PCDHGA10: variants seen among roughly 807,000 people sequenced by gnomAD.
PCDHGA10 encodes protocadherin gamma-A10.
PCDHGA10 carries 42 observed loss-of-function variants against 59.5 expected under a neutral mutation model. The ratio of observed to expected loss-of-function variants is 0.71; its 90% CI spans 0.55 to 0.91. PCDHGA10 has a LOEUF of 0.91. Ranked by LOEUF, PCDHGA10 falls within the 40% of genes least tolerant of loss-of-function variation. PCDHGA10 has a pLI of 0.00. For missense variants in PCDHGA10, 1,111 were observed against 1,198.2 expected, an observed-to-expected ratio of 0.93 and a Z score of 1.07; for synonymous variants, 511 against 517.2, an observed-to-expected ratio of 0.99 and a Z score of 0.16.
chr5:141,423,117 G>T, intron 1 of PCDHGA10: 1 of 1,613,816 alleles, frequency 6.2e-7, no homozygotes, highest in Non-Finnish European at 8.5e-7. Flanking sequence ...TGCGTACAGC[G>T]CGGGCACTGC....
rs147057088 is a variant in PCDHGA10 at position 141,432,065 on chromosome 5, A to C, written c.2436+16454A>C. 6.2e-7 allele frequency: 1 copy of C among 1,613,930 alleles called. No individual in the cohort carries two copies. Among genetic ancestry groups the C allele is most frequent in the Non-Finnish European group, 8.5e-7 (1 of 1,180,014 alleles). On this transcript the variant is annotated intron_variant, in intron 1 of 3. Coordinates refer to ENST00000398610, the MANE Select transcript of PCDHGA10 (RefSeq NM_018913.3). This position sits in a 1 kb window ranked among gnomAD's most constrained non-coding sequence, Gnocchi z 6.0. ...GGGAACCCCGCCCCTATCCACGGAA[A>C]CTCATATCTCGCTGAACGTGGCAGA...
rs750014647 is a variant in PCDHGA10, at chr5:141,426,649, T to C, written c.2436+11038T>C. 53 of 418,716 alleles carry C rather than the reference T, an allele frequency of 1.3e-4. 1 individual carries two copies. Among genetic ancestry groups the C allele is most frequent in the South Asian group, 6.9e-4 (42 of 60,762 alleles). The allele number at this position is 418,716 out of a possible 1,614,324, so 25.9% of individuals were successfully genotyped here. On this transcript the variant is annotated intron_variant, in intron 1 of 3. Coordinates refer to ENST00000398610, the MANE Select transcript of PCDHGA10 (RefSeq NM_018913.3). Reference sequence around the variant, plus strand: ...AATGTTTTTCACATAAATGTGATGATAGAAGATATAAATGATAACCCACCT... The same window carrying C: ...AATGTTTTTCACATAAATGTGATGACAGAAGATATAAATGATAACCCACCT...
At chr5:141,484,287 C>T (rs1432341538) in intron 1 of PCDHGA10, among the ~76,000 whole-genome samples, 1 of 152,268 alleles carries the variant, frequency 6.6e-6, no homozygotes, top group Non-Finnish European at 1.5e-5. Context: ...GAAACATCTC[C>T]CTCTCCTGGC....
chr5:141,481,895 A>G (rs1285005477), intron 1 of PCDHGA10, among the ~76,000 whole-genome samples: 2 of 147,522 alleles, frequency 1.4e-5, no homozygotes, highest in Non-Finnish European at 3.0e-5. Context: ...GCCTGGGTGA[A>G]AGAGCGAAAC....
intron 1 of PCDHGA10, chr5:141,468,556 GAT>G (rs754546771): frequency 6.6e-6 from 1 of 151,930 alleles, no homozygotes; most frequent in Non-Finnish European, 1.5e-5. Flanking sequence ...TAACATTTGT[GAT>G]ATAGTAAACA....
chr5:141,474,260 A>G (rs1459875243), intron 1 of PCDHGA10, among the ~76,000 whole-genome samples: 1 of 152,170 alleles, frequency 6.6e-6, no homozygotes, highest in Non-Finnish European at 1.5e-5. Flanking sequence ...AGACTGATAA[A>G]CCAGTGTATC....
At chr5:141,507,286 TC>T in intron 3 of PCDHGA10, 1 of 149,886 alleles carries the variant, frequency 6.7e-6, no homozygotes, top group East Asian at 1.9e-4. Context: ...TAAGTCAGTC[TC>T]AAATGTTGCA....
Position 141,418,027 on chromosome 5 carries a change from T to A in PCDHGA10, c.2436+2416T>A, listed in dbSNP as rs536104184. 2.4e-5 allele frequency: 38 copies of A among 1,613,808 alleles called. 1 individual carries two copies. In the South Asian group the frequency reaches 4.2e-4, roughly 18 times the overall value. ...GGAACCTCGCTAAGGATCTAGGGCT[T>A]AGTGTCCTGGATGTGTCGGCTCGCG... On this transcript the variant is annotated intron_variant, in intron 1 of 3. Coordinates refer to ENST00000398610, the MANE Select transcript of PCDHGA10 (RefSeq NM_018913.3).
At position 141,477,811 on chromosome 5, in the gene PCDHGA10, C is replaced by A. The variant is rs1211574518; in HGVS notation, c.2437-16996C>A. 1 of 1,614,046 alleles carries A rather than the reference C, an allele frequency of 6.2e-7. No individual in the cohort carries two copies. Among genetic ancestry groups the A allele is most frequent in the Non-Finnish European group, 8.5e-7 (1 of 1,180,034 alleles). On this transcript the variant is annotated intron_variant, in intron 1 of 3. Transcript: ENST00000398610. This position sits in a 1 kb window ranked among gnomAD's most constrained non-coding sequence, Gnocchi z 4.9. ...TCACTGATCGCAATGACAATGCCCC[C>A]CAGGTCCTATATCCTCGGCCAGGTG...
At position 141,421,915 on chromosome 5, in the gene PCDHGA10, C is replaced by T. The variant is rs751221129; in HGVS notation, c.2436+6304C>T. ...CATCCGAAAGGGCGCAGTTCCCATT[C>T]GTGTGGTGGTCCTCGATGTAAATGA... is the stretch of plus-strand genomic sequence containing the variant. On this transcript the variant is annotated intron_variant, in intron 1 of 3. Transcript: ENST00000398610. 18 of 1,613,504 alleles carry T rather than the reference C, an allele frequency of 1.1e-5. No individual in the cohort carries two copies. The South Asian group carries it at 1.5e-4, about 14-fold the overall frequency.
chr5:141,485,152 A>T lies in PCDHGA10; in HGVS notation c.2437-9655A>T. 1.3e-6 allele frequency: 2 copies of T among 1,586,090 alleles called. No homozygotes were observed. Among genetic ancestry groups the T allele is most frequent in the Non-Finnish European group, 8.6e-7 (1 of 1,157,176 alleles). ...CTTCATCCGCGTCTCAGGAGCAAGT[A>T]GAGAATTAGCGGGCGGCAGCAATGC... On this transcript the variant is annotated intron_variant, in intron 1 of 3. Coordinates refer to ENST00000398610, the MANE Select transcript of PCDHGA10 (RefSeq NM_018913.3). This position sits in a 1 kb window ranked among gnomAD's most constrained non-coding sequence, Gnocchi z 5.7.
Position 141,489,730 on chromosome 5 carries a change from A to G in PCDHGA10, c.2437-5077A>G. The stretch of plus-strand genomic sequence containing the variant: ...CAGTGCCCAGGATCCGGATGTGGGC[A>G]CCAATACTGTGAGCTTTTACACTCT... On this transcript the variant is annotated intron_variant, in intron 1 of 3. Coordinates refer to ENST00000398610, the MANE Select transcript of PCDHGA10 (RefSeq NM_018913.3). This position sits in a 1 kb window ranked among gnomAD's most constrained non-coding sequence, Gnocchi z 4.5. 6.2e-7 allele frequency: 1 copy of G among 1,614,182 alleles called. No homozygotes were observed. Among genetic ancestry groups the G allele is most frequent in the Non-Finnish European group, 8.5e-7 (1 of 1,180,020 alleles).
chr5:141,454,691 C>T (rs745856768), intron 1 of PCDHGA10, among the ~76,000 whole-genome samples: 5 of 152,038 alleles, frequency 3.3e-5, no homozygotes, highest in Non-Finnish European at 5.9e-5. Flanking sequence ...CAGGCATGAG[C>T]CACCATGCTC....
chr5:141,419,870 G>C, intron 1 of PCDHGA10: 1 of 1,614,054 alleles, frequency 6.2e-7, no homozygotes, highest in Non-Finnish European at 8.5e-7. Context: ...CTTGCAAGAG[G>C]TACTGCCGGA....
intron 1 of PCDHGA10, among the ~76,000 whole-genome samples, chr5:141,468,041 T>C (rs972340736): frequency 4.6e-5 from 7 of 152,120 alleles, no homozygotes; most frequent in Admixed American, 3.9e-4. Flanking sequence ...TTTAGAAAAC[T>C]AAGCCGGGCA....
Position 141,487,810 on chromosome 5 carries a change from C to T in PCDHGA10, c.2437-6997C>T. 7.1e-7 allele frequency: 1 copy of T among 1,417,854 alleles called. No homozygotes were observed. 87.8% of individuals were successfully genotyped at this position (1,417,854 alleles called of 1,614,324 possible). ...ATTAACCAGAGTTGTCACAGTTTAG[C>T]ATTGGGGGCGGGTCATGCCTATATC... is the stretch of plus-strand genomic sequence containing the variant. On this transcript the variant is annotated intron_variant, in intron 1 of 3. Coordinates refer to ENST00000398610, the MANE Select transcript of PCDHGA10 (RefSeq NM_018913.3). This position sits in a 1 kb window ranked among gnomAD's most constrained non-coding sequence, Gnocchi z 5.0.
chr5:141,436,962 C>A (rs1462988296), intron 1 of PCDHGA10, among the ~76,000 whole-genome samples: 1 of 152,144 alleles, frequency 6.6e-6, no homozygotes, highest in Non-Finnish European at 1.5e-5. Context: ...AAACAAGGAT[C>A]TTGTGAAACT....
At chr5:141,419,528 G>A (rs966922299) in intron 1 of PCDHGA10, 10 of 1,612,056 alleles carry the variant, frequency 6.2e-6, no homozygotes, top group Admixed American at 1.7e-5. Flanking sequence ...CGACCGTAAC[G>A]ACAACGCACC....
At chr5:141,450,627 C>T (rs947866993) in intron 1 of PCDHGA10, among the ~76,000 whole-genome samples, 13 of 151,592 alleles carry the variant, frequency 8.6e-5, no homozygotes, top group African/African-American at 3.2e-4. Context: ...GCTGGGATTA[C>T]AGATGCCTGC....
Sources: gnomAD v4.1 joint callset for allele counts (sites outside exome capture counted in the v4.1 genomes callset) on GRCh38, gnomAD v4.1.1 for gene constraint, Gnocchi (gnomAD v3.1) non-coding constraint, MANE v1.5 for transcripts, NCBI Gene and HGNC (gene_info 2026-07-23, HGNC 2026-07-21) for gene names.